PTPRM: variants seen among roughly 807,000 people sequenced by gnomAD.
The protein encoded by PTPRM is protein tyrosine phosphatase receptor type M, also known as receptor-type tyrosine-protein phosphatase mu.
PTPRM carries 47 observed loss-of-function variants against 186.7 expected under a neutral mutation model. That is an observed-to-expected ratio of 0.25 (90% confidence interval 0.20 to 0.32). PTPRM has a LOEUF of 0.32. Among genes scored for constraint, PTPRM ranks in the 10% least tolerant of loss-of-function variants. PTPRM has a pLI of 1.00. For missense variants in PTPRM, 1,494 were observed against 1,865.0 expected, an observed-to-expected ratio of 0.80 and a Z score of 3.66; for synonymous variants, 668 against 674.9, an observed-to-expected ratio of 0.99 and a Z score of 0.16.
chr18:8,103,323 A>G (rs1406046181), intron 11 of PTPRM, among the ~76,000 whole-genome samples: 1 of 152,220 alleles, frequency 6.6e-6, no homozygotes, highest in African/African-American at 2.4e-5. Flanking sequence ...ATAGAAGGCC[A>G]TTTCATCTAC....
chr18:8,185,015 CT>C (rs1355455388), intron 14 of PTPRM, among the ~76,000 whole-genome samples: 2 of 151,956 alleles, frequency 1.3e-5, no homozygotes, highest in African/African-American at 4.8e-5. Flanking sequence ...TGTTGGTTTT[CT>C]TTTTTTAAGA....
intron 14 of PTPRM, among the ~76,000 whole-genome samples, chr18:8,185,707 C>G (rs540354747): frequency 2.6e-5 from 4 of 152,152 alleles, no homozygotes; most frequent in Non-Finnish European, 5.9e-5. Context: ...AACATATGTT[C>G]CTTTTGTGAA....
At chr18:8,152,076 C>T (rs1230465385) in intron 14 of PTPRM, among the ~76,000 whole-genome samples, 2 of 142,726 alleles carry the variant, frequency 1.4e-5, no homozygotes, top group Admixed American at 1.4e-4. Flanking sequence ...TCGCTGGGAG[C>T]TGCAGACCGG....
intron 20 of PTPRM, among the ~76,000 whole-genome samples, chr18:8,297,165 T>C (rs984607141): frequency 6.6e-6 from 1 of 152,192 alleles, no homozygotes; most frequent in African/African-American, 2.4e-5. Context: ...CATCCATGAC[T>C]GCATCAAGGC....
chr18:7,742,426 A>G (rs2040901467), intron 1 of PTPRM, among the ~76,000 whole-genome samples: 2 of 152,206 alleles, frequency 1.3e-5, no homozygotes, highest in East Asian at 1.9e-4. Context: ...ATTCACAAGT[A>G]TCCTCCCACC....
chr18:7,741,834 T>C (rs777083123), intron 1 of PTPRM: 12 of 152,234 alleles, frequency 7.9e-5, no homozygotes, highest in Non-Finnish European at 1.8e-4. Context: ...GAAATCAGCC[T>C]CTTTGTCCTG....
At chr18:8,191,852 A>G (rs943420160) in intron 14 of PTPRM, among the ~76,000 whole-genome samples, 2 of 152,312 alleles carry the variant, frequency 1.3e-5, no homozygotes, top group African/African-American at 2.4e-5. Context: ...CTGAGATTGT[A>G]TATAGATGGA....
At chr18:8,271,294 A>C (rs1034819029) in intron 19 of PTPRM, among the ~76,000 whole-genome samples, 1 of 151,712 alleles carries the variant, frequency 6.6e-6, no homozygotes, top group Admixed American at 6.6e-5. Flanking sequence ...GTTAACATAG[A>C]AAGTTAATAT....
chr18:8,065,919 G>GTAA, intron 7 of PTPRM, among the ~76,000 whole-genome samples: 1 of 152,278 alleles, frequency 6.6e-6, no homozygotes, highest in South Asian at 2.1e-4. Flanking sequence ...TTCCTACAGT[G>GTAA]TAATATATTT....
chr18:7,937,428 G>C (rs373826866), intron 5 of PTPRM, among the ~76,000 whole-genome samples: 1 of 152,168 alleles, frequency 6.6e-6, no homozygotes. Flanking sequence ...TCCCACCACA[G>C]CCAGTGTGCC....
chr18:7,850,808 AT>A (rs1254188541), intron 2 of PTPRM, among the ~76,000 whole-genome samples: 2 of 152,210 alleles, frequency 1.3e-5, no homozygotes, highest in African/African-American at 2.4e-5. Context: ...ACAAGTTTTT[AT>A]TTCCAGTGTT....
chr18:7,658,570 T>C (rs923386145), intron 1 of PTPRM, among the ~76,000 whole-genome samples: 3 of 151,980 alleles, frequency 2.0e-5, no homozygotes, highest in Admixed American at 1.3e-4. Context: ...GAGTGCTGCT[T>C]TCCCCTCCTT....
intron 2 of PTPRM, among the ~76,000 whole-genome samples, chr18:7,823,100 C>G (rs6506533): frequency 0.65 from 97,863 of 151,358 alleles, 31,969 homozygotes; most frequent in East Asian, 0.85. Flanking sequence ...AATGTTTCTC[C>G]TATTTGTAGT....
intron 1 of PTPRM, among the ~76,000 whole-genome samples, chr18:7,720,714 A>G (rs1199227184): frequency 6.6e-6 from 1 of 152,164 alleles, no homozygotes; most frequent in Admixed American, 6.5e-5. Flanking sequence ...ATCCCATATA[A>G]GGAGAATCAT....
intron 1 of PTPRM, among the ~76,000 whole-genome samples, chr18:7,671,471 C>G (rs2039216766): frequency 6.6e-6 from 1 of 152,244 alleles, no homozygotes; most frequent in Middle Eastern, 3.4e-3. Flanking sequence ...CATTTTGTCC[C>G]TCTGAATTAG....
intron 1 of PTPRM, among the ~76,000 whole-genome samples, chr18:7,762,760 G>A (rs996855358): frequency 1.3e-5 from 2 of 152,154 alleles, no homozygotes; most frequent in Non-Finnish European, 2.9e-5. Context: ...AATTTAAGCA[G>A]TTGTTTAGGA....
In PTPRM at chr18:8,189,508, A is replaced by G. The variant is rs937966126; in HGVS notation, c.2300+45729A>G. 3.3e-5 allele frequency among the ~76,000 whole-genome samples: 5 copies of G among 152,152 alleles called. No homozygotes were observed. In the East Asian group the frequency reaches 9.6e-4, roughly 29 times the overall value. ...AATGTTCCCACTGAGAATTAAGCCT[A>G]TTTTGTTTTATCCTCAGCCCAAAGC... On this transcript the variant is annotated intron_variant, in intron 14 of 32. Coordinates refer to ENST00000580170, the MANE Select transcript of PTPRM (RefSeq NM_001105244.2).
chr18:7,601,466 C>T (rs1404997450), intron 1 of PTPRM, among the ~76,000 whole-genome samples: 1 of 152,238 alleles, frequency 6.6e-6, no homozygotes, highest in African/African-American at 2.4e-5. Context: ...TGAGCAGCTA[C>T]GCTCCTTCCT....
intron 7 of PTPRM, among the ~76,000 whole-genome samples, chr18:7,986,375 G>A (rs969516880): frequency 1.3e-5 from 2 of 152,150 alleles, no homozygotes; most frequent in African/African-American, 4.8e-5. Flanking sequence ...GTTCTGGTCC[G>A]TTCTTAGAGC....
Sources: allele counts gnomAD v4.1 joint callset (sites outside exome capture counted in the v4.1 genomes callset), GRCh38; gene constraint gnomAD v4.1.1; transcripts MANE v1.5; gene names NCBI Gene and HGNC (gene_info 2026-07-23, HGNC 2026-07-21).